IQGAP2: variants seen among roughly 807,000 people sequenced by gnomAD.
IQGAP2 encodes the protein ras GTPase-activating-like protein IQGAP2.
Under a neutral mutation model 201.3 loss-of-function variants are expected in IQGAP2, and 173 were observed. The observed-to-expected ratio is 0.86, with a 90% CI of 0.76 to 0.98. The LOEUF (loss-of-function observed/expected upper bound fraction) is 0.98. IQGAP2 is among the 50% of genes least tolerant of loss of function. The pLI, the probability that IQGAP2 is intolerant of heterozygous loss-of-function variation, is 0.00. For synonymous variants in IQGAP2, 675 were observed against 673.9 expected (o/e 1.00, Z -0.03); for missense variants, 1,687 against 1,864.8 (o/e 0.90, Z 1.76).
At chr5:76,463,142 A>AG (rs1754575984) in intron 2 of IQGAP2, among the ~76,000 whole-genome samples, 1 of 150,868 alleles carries the variant, frequency 6.6e-6, no homozygotes. Context: ...AAAAAAAAAA[A>AG]AGGAAAAGAA....
At chr5:76,565,254 C>G (rs1191735983) in intron 3 of IQGAP2, among the ~76,000 whole-genome samples, 1 of 152,132 alleles carries the variant, frequency 6.6e-6, no homozygotes, top group Non-Finnish European at 1.5e-5. Flanking sequence ...AGCCCCAGCC[C>G]CTCGTGCCAT....
In IQGAP2 at chr5:76,698,012, G is replaced by A. The variant is rs1366074313; in HGVS notation, c.4232G>A (p.Arg1411His). ...AKDIRNQRIY[R>H]KLRKAELAKL... ...GATATTCGAAATCAAAGAATCTATC[G>A]TAAGCTTCGAAAAGCTGAATTGGCA... Residue 1411 changes from arginine (R) to histidine (H), a missense_variant, in exon 33 of 36, where the codon CGT becomes CAT. Transcript: ENST00000274364. The A allele has an allele frequency of 5.6e-6, 9 of 1,612,472 alleles. No homozygotes were observed. The highest frequency in any genetic ancestry group is 4.5e-5 in the East Asian group (2 of 44,784).
At chr5:76,456,873 G>A (rs1754113893) in intron 1 of IQGAP2, among the ~76,000 whole-genome samples, 1 of 152,098 alleles carries the variant, frequency 6.6e-6, no homozygotes, top group Admixed American at 6.6e-5. Context: ...TTGAGCTCAG[G>A]GGTAAGTTCA....
intron 30 of IQGAP2, among the ~76,000 whole-genome samples, chr5:76,689,325 T>C (rs907366934): frequency 2.0e-5 from 3 of 149,508 alleles, no homozygotes; most frequent in East Asian, 4.0e-4. Flanking sequence ...AGCCTCAATC[T>C]ATCACTTATT....
intron 2 of IQGAP2, among the ~76,000 whole-genome samples, chr5:76,541,852 G>A (rs904884851): frequency 1.3e-5 from 2 of 152,154 alleles, no homozygotes; most frequent in Admixed American, 6.5e-5. Context: ...GCTTTCCCCC[G>A]CTATAAACTC....
chr5:76,655,435 A>C (rs946888510), intron 20 of IQGAP2, among the ~76,000 whole-genome samples: 1 of 152,122 alleles, frequency 6.6e-6, no homozygotes. Flanking sequence ...TTTTCACAGA[A>C]TAATTTTTAA....
chr5:76,468,099 G>T (rs901287935), intron 2 of IQGAP2, among the ~76,000 whole-genome samples: 2 of 152,176 alleles, frequency 1.3e-5, no homozygotes, highest in Non-Finnish European at 2.9e-5. Flanking sequence ...AGGGAGAATT[G>T]TATGGTATAT....
chr5:76,616,949 C>T (rs1285738932), intron 13 of IQGAP2: 2 of 152,212 alleles, frequency 1.3e-5, no homozygotes, highest in East Asian at 1.9e-4. Context: ...AGGCAGCCAC[C>T]AGCATGAGAG....
At chr5:76,503,266 C>G (rs1168303207) in intron 2 of IQGAP2, among the ~76,000 whole-genome samples, 1 of 150,012 alleles carries the variant, frequency 6.7e-6, no homozygotes, top group Non-Finnish European at 1.5e-5. Context: ...CTCCCCCTCC[C>G]GGGTTCAAGC....
At chr5:76,548,456 C>T (rs1477811165) in intron 2 of IQGAP2, among the ~76,000 whole-genome samples, 2 of 152,242 alleles carry the variant, frequency 1.3e-5, no homozygotes, top group Non-Finnish European at 2.9e-5. Flanking sequence ...TCACCTAAGG[C>T]TTCTGCTTAA....
rs1746995686 is a variant in IQGAP2, at chr5:76,698,143, A to G, written c.4363A>G (p.Arg1455Gly). ...AAAGACTTGTTTAGACAACTTAAAA[A>G]GAAAGTAAGTTAAAATCATGTCATG... ...YIKTCLDNLKRKNTRRSIKLD... is the reference protein window; with the variant it reads ...YIKTCLDNLKGKNTRRSIKLD... The change falls in exon 33 of 36, where the codon AGA (arginine) becomes GGA (glycine). Residue 1455 changes from arginine to glycine, a missense_variant. Coordinates refer to ENST00000274364, the MANE Select transcript of IQGAP2 (RefSeq NM_006633.5). 1 of 1,571,422 alleles carries G rather than the reference A, an allele frequency of 6.4e-7. No homozygotes were observed. The highest frequency in any genetic ancestry group is 2.3e-5 in the East Asian group (1 of 44,312).
intron 31 of IQGAP2, among the ~76,000 whole-genome samples, chr5:76,694,470 A>G (rs1474129506): frequency 6.6e-6 from 1 of 152,160 alleles, no homozygotes; most frequent in African/African-American, 2.4e-5. Flanking sequence ...GATCAACTAT[A>G]CCTCTGCACC....
chr5:76,480,625 T>C (rs1316295997), intron 2 of IQGAP2, among the ~76,000 whole-genome samples: 3 of 152,190 alleles, frequency 2.0e-5, no homozygotes, highest in Admixed American at 6.5e-5. Flanking sequence ...CATATTATTG[T>C]TCTGTATGTT....
chr5:76,559,912 A>AC (rs915877884), intron 2 of IQGAP2, among the ~76,000 whole-genome samples: 45 of 151,524 alleles, frequency 3.0e-4, no homozygotes, highest in Non-Finnish European at 5.7e-4. Flanking sequence ...GTTGGTGCCC[A>AC]CCCCCCTACC....
chr5:76,667,735 GA>G (rs1743906945), intron 22 of IQGAP2, among the ~76,000 whole-genome samples: 1 of 152,076 alleles, frequency 6.6e-6, no homozygotes, highest in Non-Finnish European at 1.5e-5. Context: ...ACTCTGTGTA[GA>G]ACATTGTGGC....
chr5:76,499,055 A>T (rs1488387714), intron 2 of IQGAP2, among the ~76,000 whole-genome samples: 1 of 152,208 alleles, frequency 6.6e-6, no homozygotes, highest in Non-Finnish European at 1.5e-5. Context: ...CAGAGCAGGG[A>T]TGTGTGATGG....
chr5:76,500,496 T>C (rs913368479), intron 2 of IQGAP2, among the ~76,000 whole-genome samples: 3 of 152,238 alleles, frequency 2.0e-5, no homozygotes, highest in African/African-American at 7.2e-5. Flanking sequence ...TCTTTCTTTT[T>C]AACTTAGATT....
intron 2 of IQGAP2, among the ~76,000 whole-genome samples, chr5:76,481,407 G>A (rs1755788785): frequency 6.6e-6 from 1 of 151,018 alleles, no homozygotes; most frequent in Non-Finnish European, 1.5e-5. Flanking sequence ...TTTCGAGATG[G>A]AGTCTCGCTC....
In IQGAP2 at chr5:76,504,153, T is replaced by C. The variant is rs374757342; in HGVS notation, c.146+42484T>C. On this transcript the variant is annotated intron_variant, in intron 2 of 35. Transcript: ENST00000274364. ...GGAGCTTGCTTCCTCCAAACAGTAA[T>C]AGGGTAATGTCCAGGGATCAGTGAG... Among the ~76,000 whole-genome samples, 20 of 152,252 alleles carry C rather than the reference T, an allele frequency of 1.3e-4. No homozygotes were observed. In the South Asian group the frequency reaches 3.7e-3, roughly 28 times the overall value.
Sources: allele counts gnomAD v4.1 joint callset (sites outside exome capture counted in the v4.1 genomes callset), GRCh38; gene constraint gnomAD v4.1.1; transcripts MANE v1.5; gene names NCBI Gene and HGNC (gene_info 2026-07-23, HGNC 2026-07-21).